The following CEP85L variants were observed in gnomAD, a reference collection of about 807,000 sequenced individuals.
The protein encoded by CEP85L is centrosomal protein 85L.
Under a neutral mutation model 100.3 loss-of-function variants are expected in CEP85L, and 60 were observed. That is an observed-to-expected ratio of 0.60 (90% CI 0.49 to 0.74). The LOEUF (loss-of-function observed/expected upper bound fraction) is 0.74. Among genes scored for constraint, CEP85L ranks in the 30% least tolerant of loss-of-function variants. CEP85L has a pLI of 0.00. For missense variants in CEP85L, 973 were observed against 936.2 expected (o/e 1.04, Z -0.51); for synonymous variants, 319 against 322.7 (o/e 0.99, Z 0.12).
At chr6:118,706,334 G>A (rs1777592374) in intron 1 of CEP85L, among the ~76,000 whole-genome samples, 1 of 152,098 alleles carries the variant, frequency 6.6e-6, no homozygotes, top group Non-Finnish European at 1.5e-5. Flanking sequence ...TTCAGTAGAG[G>A]GAAATTTCAA....
chr6:118,694,467 T>C (rs1009454792), intron 1 of CEP85L, among the ~76,000 whole-genome samples: 5 of 152,220 alleles, frequency 3.3e-5, no homozygotes, highest in Non-Finnish European at 7.3e-5. Context: ...ACCAATGGCA[T>C]CTTATAATTG....
chr6:118,574,594 T>C lies in CEP85L; in HGVS notation c.233-8278A>G, dbSNP rs924013908. ...GACATGTCCTGCTGCCTCACTGCGGTGGCCTCAGGGGTAAGGAATCAGAAC... is the reference window on the plus strand; with the variant it reads ...GACATGTCCTGCTGCCTCACTGCGGCGGCCTCAGGGGTAAGGAATCAGAAC... On this transcript the variant is annotated intron_variant, in intron 2 of 12. Transcript: ENST00000368491. 4.6e-5 allele frequency among the ~76,000 whole-genome samples: 7 copies of C among 152,168 alleles called. No individual in the cohort carries two copies. The East Asian group carries it at 1.3e-3, about 29-fold the overall frequency.
chr6:118,560,680 A>G (rs992876885), intron 3 of CEP85L: 2 of 166,786 alleles, frequency 1.2e-5, no homozygotes, highest in Non-Finnish European at 2.9e-5. Flanking sequence ...ACTGAGCTAA[A>G]TTATAGATCC....
Position 118,568,699 on chromosome 6 carries a change from A to C in CEP85L, c.233-2383T>G, listed in dbSNP as rs187837944. On this transcript the variant is annotated intron_variant, in intron 2 of 12. Transcript: ENST00000368491. ...ATTCTGACAGCAGAGTTGCCAATGGATTAAAGCAAAACAACTGGCAAACAC... is the reference window on the plus strand; with the variant it reads ...ATTCTGACAGCAGAGTTGCCAATGGCTTAAAGCAAAACAACTGGCAAACAC... Among the ~76,000 whole-genome samples, 4 of 152,318 alleles carry C rather than the reference A, an allele frequency of 2.6e-5. No homozygotes were observed. The East Asian group carries it at 7.7e-4, about 29-fold the overall frequency.
chr6:118,682,192 C>T (rs1028154016), intron 1 of CEP85L, among the ~76,000 whole-genome samples: 10 of 152,120 alleles, frequency 6.6e-5, no homozygotes, highest in African/African-American at 2.2e-4. Context: ...ACTGTTTTAA[C>T]ATATTTTCAT....
chr6:118,528,931 AC>A (rs927311935), intron 3 of CEP85L, among the ~76,000 whole-genome samples: 26 of 152,342 alleles, frequency 1.7e-4, no homozygotes, highest in African/African-American at 5.8e-4. Flanking sequence ...CAGAAAAGGA[AC>A]AACTAATGAA....
upstream of CEP85L, among the ~76,000 whole-genome samples, chr6:118,656,060 A>G (rs1051082270): frequency 4.6e-5 from 7 of 152,338 alleles, no homozygotes; most frequent in African/African-American, 1.4e-4. Flanking sequence ...ATACCTAACT[A>G]TAGGATTTCT....
rs747009510 is a variant in CEP85L, at chr6:118,481,952, C to T, written c.1591-19G>A. 7 of 1,444,434 alleles carry T rather than the reference C, an allele frequency of 4.8e-6. No individual in the cohort carries two copies. In the South Asian group the frequency reaches 8.6e-5, roughly 18 times the overall value. 89.5% of individuals were successfully genotyped at this position (1,444,434 alleles called of 1,614,324 possible). A position where few individuals can be genotyped will look rare whatever the true frequency, so the allele number is the denominator to read the frequency against. On this transcript the variant is annotated intron_variant, in intron 7 of 12. Coordinates refer to ENST00000368491, the MANE Select transcript of CEP85L (RefSeq NM_001042475.3). ...TCTGCAGCTAAGGAGAAATGTTTTACAGTTCATTACACATGAAATATTAAA... is the reference window on the plus strand; with the variant it reads ...TCTGCAGCTAAGGAGAAATGTTTTATAGTTCATTACACATGAAATATTAAA...
At chr6:118,513,624 A>G (rs1007253931) in intron 4 of CEP85L, among the ~76,000 whole-genome samples, 1 of 152,168 alleles carries the variant, frequency 6.6e-6, no homozygotes, top group African/African-American at 2.4e-5. Flanking sequence ...CACAAAAAGC[A>G]TACAAAAAAA....
At chr6:118,607,307 G>A (rs1370136236) in intron 2 of CEP85L, among the ~76,000 whole-genome samples, 1 of 152,196 alleles carries the variant, frequency 6.6e-6, no homozygotes, top group African/African-American at 2.4e-5. Context: ...AGTATTGCCT[G>A]TGGCAGGGTG....
rs369698272 is a variant in CEP85L at position 118,558,660 on chromosome 6, CAGAG to C, written c.1020+6865_1020+6868del. Among the ~76,000 whole-genome samples the C allele has an allele frequency of 4.3e-3, 527 of 122,226 alleles. 6 individuals carry two copies. The highest frequency in any genetic ancestry group is 0.01 in the African/African-American group (326 of 31,068). 80.2% of individuals were successfully genotyped at this position (122,226 alleles called of 152,430 possible). On this transcript the variant is annotated intron_variant, in intron 3 of 12. Transcript: ENST00000368491. ...ACACACACACACACACACACACACACAGAGAGAGAGAGAGAGAGAGAGAGAGAGG... is the reference window on the plus strand; with the variant it reads ...ACACACACACACACACACACACACACAGAGAGAGAGAGAGAGAGAGAGAGG...
intron 2 of CEP85L, among the ~76,000 whole-genome samples, chr6:118,617,760 T>G (rs1257923978): frequency 1.2e-4 from 19 of 152,256 alleles, no homozygotes; most frequent in South Asian, 2.1e-4. Flanking sequence ...GCCACACCAA[T>G]TCTTTGGCGT....
chr6:118,491,685 C>G lies in CEP85L; in HGVS notation c.1437+1G>C. 1 of 1,609,198 alleles carries G rather than the reference C, an allele frequency of 6.2e-7. No homozygotes were observed. Among genetic ancestry groups the G allele is most frequent in the African/African-American group, 1.3e-5 (1 of 74,806 alleles). ...AATTCAACTTTATTAGAAAAACCTACTTTTTCCTCTAGTTTCTTCTTCTCT... is the reference window on the plus strand; with the variant it reads ...AATTCAACTTTATTAGAAAAACCTAGTTTTTCCTCTAGTTTCTTCTTCTCT... On this transcript the variant is annotated splice_donor_variant, in intron 6 of 12. Transcript: ENST00000368491. LOFTEE classifies it high-confidence loss of function.
chr6:118,643,977 G>A (rs892162073), intron 1 of CEP85L, among the ~76,000 whole-genome samples: 2 of 152,156 alleles, frequency 1.3e-5, no homozygotes, highest in South Asian at 4.1e-4. Flanking sequence ...TGAAACGTCA[G>A]GCAAACCCAG....
rs775737690 is a variant in CEP85L at position 118,566,003 on chromosome 6, A to T, written c.546T>A (p.Gly182=). ...GTVCREESRN[G]LEKIGKAKAL... ...CCTTAGCCTTCCCTATCTTCTCCAA[A>T]CCATTCCTTGACTCTTCTCTGCATA... The change falls in exon 3 of 13, where the codon GGT becomes GGA. Residue 182 remains glycine, a synonymous_variant. Coordinates refer to ENST00000368491, the MANE Select transcript of CEP85L (RefSeq NM_001042475.3). The T allele has an allele frequency of 6.2e-7, 1 of 1,614,096 alleles. No homozygotes were observed. Among genetic ancestry groups the T allele is most frequent in the South Asian group, 1.1e-5 (1 of 91,076 alleles).
intron 1 of CEP85L, among the ~76,000 whole-genome samples, chr6:118,669,279 C>T (rs796211542): frequency 3.9e-5 from 6 of 152,312 alleles, no homozygotes; most frequent in African/African-American, 1.4e-4. Flanking sequence ...TGCTTACCAA[C>T]TCAGATCTGC....
intron 4 of CEP85L, among the ~76,000 whole-genome samples, chr6:118,518,273 T>C (rs141946952): frequency 1.1e-3 from 168 of 152,332 alleles, no homozygotes; most frequent in African/African-American, 3.8e-3. Context: ...TTCCCTCTTT[T>C]TCTACTGTTT....
intron 1 of CEP85L, among the ~76,000 whole-genome samples, chr6:118,634,259 T>TA (rs397803476): frequency 6.6e-6 from 1 of 152,006 alleles, no homozygotes; most frequent in Non-Finnish European, 1.5e-5. Context: ...CCAGTTTTTT[T>TA]AACCACACTT....
intron 1 of CEP85L, among the ~76,000 whole-genome samples, chr6:118,669,649 C>T (rs1351203217): frequency 6.6e-6 from 1 of 152,028 alleles, no homozygotes; most frequent in African/African-American, 2.4e-5. Context: ...CAAGTCAGAA[C>T]CTAGAATTTA....
Sources: allele counts gnomAD v4.1 joint callset (sites outside exome capture counted in the v4.1 genomes callset), GRCh38; gene constraint gnomAD v4.1.1; transcripts MANE v1.5; gene names NCBI Gene and HGNC (gene_info 2026-07-23, HGNC 2026-07-21).